PIP5K1C: variants seen among roughly 807,000 people sequenced by gnomAD.
The protein encoded by PIP5K1C is phosphatidylinositol 4-phosphate 5-kinase type-1 gamma.
In PIP5K1C, 45 loss-of-function variants were observed where a neutral mutation model predicts 80.1. The ratio of observed to expected loss-of-function variants is 0.56; its 90% CI spans 0.44 to 0.72. The LOEUF (loss-of-function observed/expected upper bound fraction) is 0.72, where lower values mean the gene tolerates loss of function less well. Among genes scored for constraint, PIP5K1C ranks in the 30% least tolerant of loss-of-function variants. The pLI is 0.00. For synonymous variants in PIP5K1C, 498 were observed against 420.1 expected (o/e 1.19, Z -2.27); for missense variants, 753 against 954.6 (o/e 0.79, Z 2.78).
chr19:3,634,195 G>A (rs974555812), intron 16 of PIP5K1C, among the ~76,000 whole-genome samples: 1 of 152,084 alleles, frequency 6.6e-6, no homozygotes, highest in East Asian at 1.9e-4. Flanking sequence ...GCTCTTCCCA[G>A]CTGTGCCTGC....
chr19:3,641,960 G>A lies in PIP5K1C; in HGVS notation c.1683-151C>T, dbSNP rs188355780. The A allele has an allele frequency of 1.9e-5, 13 of 698,476 alleles. 1 individual carries two copies. The highest frequency in any genetic ancestry group is 6.2e-5 in the South Asian group (4 of 64,796). 43.3% of individuals were successfully genotyped at this position (698,476 alleles called of 1,614,324 possible). ...TCTTTCTGGCTGTCACTCCCAGCCC[G>A]GGGACTGTCCACCTGGGTCCCTTGG... is the stretch of plus-strand genomic sequence containing the variant. On this transcript the variant is annotated intron_variant, in intron 14 of 17. Transcript: ENST00000335312.
At chr19:3,697,870 G>A (rs1306060627) in intron 1 of PIP5K1C, among the ~76,000 whole-genome samples, 3 of 152,218 alleles carry the variant, frequency 2.0e-5, no homozygotes, top group African/African-American at 7.2e-5. Flanking sequence ...TCCCGAGACC[G>A]CCCCCACGTG....
At chr19:3,697,541 C>T (rs1447626622) in intron 1 of PIP5K1C, among the ~76,000 whole-genome samples, 1 of 152,094 alleles carries the variant, frequency 6.6e-6, no homozygotes, top group African/African-American at 2.4e-5. Context: ...CCAAGCTGGA[C>T]CCGGGAGAGG....
At chr19:3,641,360 G>T (rs1279649873) in intron 15 of PIP5K1C, among the ~76,000 whole-genome samples, 4 of 152,146 alleles carry the variant, frequency 2.6e-5, no homozygotes, top group Non-Finnish European at 4.4e-5. Context: ...GGGCCCTGTG[G>T]ACACTGGAAC....
Position 3,648,834 on chromosome 19 carries a change from G to T in PIP5K1C, c.1128-126C>A, listed in dbSNP as rs957455336. The T allele has an allele frequency of 2.7e-6, 2 of 754,588 alleles. No individual in the cohort carries two copies. The highest frequency in any genetic ancestry group is 2.7e-5 in the East Asian group (1 of 37,410). 46.7% of individuals were successfully genotyped at this position (754,588 alleles called of 1,614,324 possible). Reference sequence around the variant, plus strand: ...TGGGTGGCAACTTGGCCAAGCTCTCGGAGTGGGGCCTGGCACCCGGGAACC... The same window carrying T: ...TGGGTGGCAACTTGGCCAAGCTCTCTGAGTGGGGCCTGGCACCCGGGAACC... On this transcript the variant is annotated intron_variant, in intron 8 of 17. Coordinates refer to ENST00000335312, the MANE Select transcript of PIP5K1C (RefSeq NM_012398.3). The surrounding 1 kb of genome is among the most constrained non-coding windows in gnomAD (Gnocchi z 4.3).
intron 1 of PIP5K1C, among the ~76,000 whole-genome samples, chr19:3,676,244 G>T (rs182975490): frequency 6.6e-6 from 1 of 152,200 alleles, no homozygotes; most frequent in Admixed American, 6.5e-5. Context: ...GTCCCCACCG[G>T]GAAGTGATGA....
At chr19:3,656,595 G>A in intron 5 of PIP5K1C, 38 bp from the exon 6 acceptor site, 1 of 1,611,316 alleles carries the variant, frequency 6.2e-7, no homozygotes, top group Non-Finnish European at 8.5e-7. Context: ...GCCCCAAGCT[G>A]CCGGACACAC....
intron 1 of PIP5K1C, among the ~76,000 whole-genome samples, chr19:3,698,091 C>T (rs146826720): frequency 3.9e-5 from 6 of 152,378 alleles, no homozygotes; most frequent in Middle Eastern, 3.4e-3. Flanking sequence ...ACAAGGCTCC[C>T]GCTGTAGCTG....
chr19:3,638,085 G>A (rs2033782977), intron 16 of PIP5K1C: 1 of 1,433,248 alleles, frequency 7.0e-7, no homozygotes, highest in Non-Finnish European at 9.1e-7. Context: ...TGGTGCCCGT[G>A]CCCAGCCCTC....
intron 16 of PIP5K1C, among the ~76,000 whole-genome samples, chr19:3,636,205 C>A (rs2033681294): frequency 6.6e-6 from 1 of 152,064 alleles, no homozygotes; most frequent in African/African-American, 2.4e-5. Context: ...CCTTGTCCTG[C>A]AGGAGTTGGG....
chr19:3,663,054 C>T (rs1477704968), intron 3 of PIP5K1C, among the ~76,000 whole-genome samples: 1 of 152,102 alleles, frequency 6.6e-6, no homozygotes, highest in Non-Finnish European at 1.5e-5. Context: ...TTAGTACAGA[C>T]AAGGTTGCGC....
chr19:3,670,933 C>CT (rs1317086967), intron 1 of PIP5K1C, among the ~76,000 whole-genome samples: 1 of 152,242 alleles, frequency 6.6e-6, no homozygotes, highest in African/African-American at 2.4e-5. Flanking sequence ...CCCCAGGTCT[C>CT]TGACAGGCCA....
chr19:3,633,625 G>T, intron 16 of PIP5K1C, 105 bp from the exon 17 acceptor site: 1 of 738,746 alleles, frequency 1.4e-6, no homozygotes, highest in Non-Finnish European at 1.9e-6. Flanking sequence ...TAAAAGAGGC[G>T]AATCCCCCAT....
chr19:3,651,996 C>T lies in PIP5K1C; in HGVS notation c.957G>A (p.Leu319=). ...GGTCGATGTTGTGCACGCCCAGCAG[C>T]AGGCTGTAGTCCATGATCTTGAAAC... ...LESFKIMDYS[L]LLGVHNIDQH... Residue 319 remains leucine, a synonymous_variant, in exon 8 of 18, where the codon CTG becomes CTA. Transcript: ENST00000335312. The T allele has an allele frequency of 1.9e-6, 3 of 1,613,182 alleles. No individual in the cohort carries two copies. The highest frequency in any genetic ancestry group is 2.5e-6 in the Non-Finnish European group (3 of 1,179,988).
At chr19:3,647,461 G>A in intron 9 of PIP5K1C, 75 bp from the exon 10 acceptor site, 1 of 1,263,378 alleles carries the variant, frequency 7.9e-7, no homozygotes, top group Non-Finnish European at 1.1e-6. Context: ...AGGGGCCACT[G>A]TGCACCCCCC....
chr19:3,666,300 G>A (rs964166275), intron 2 of PIP5K1C, among the ~76,000 whole-genome samples: 1 of 152,230 alleles, frequency 6.6e-6, no homozygotes, highest in Non-Finnish European at 1.5e-5. Context: ...CAGCTCGGGT[G>A]CCCTCAGAGG....
At chr19:3,655,737 C>T (rs1465858190) in intron 6 of PIP5K1C, among the ~76,000 whole-genome samples, 1 of 152,212 alleles carries the variant, frequency 6.6e-6, no homozygotes, top group African/African-American at 2.4e-5. Context: ...TCAAGGGAAA[C>T]TGAGTCACAG....
chr19:3,677,211 C>T (rs762350345), intron 1 of PIP5K1C, among the ~76,000 whole-genome samples: 3 of 152,130 alleles, frequency 2.0e-5, no homozygotes, highest in Non-Finnish European at 2.9e-5. Flanking sequence ...CTGTGAGAGC[C>T]GCCACTGCAG....
intron 11 of PIP5K1C, 102 bp from the exon 12 acceptor site, chr19:3,644,353 C>T: frequency 8.4e-7 from 1 of 1,193,812 alleles, no homozygotes. Flanking sequence ...CTGTGGCCCA[C>T]CAGACCCCTA....
Sources: gnomAD v4.1 joint callset for allele counts (sites outside exome capture counted in the v4.1 genomes callset) on GRCh38, gnomAD v4.1.1 for gene constraint, Gnocchi (gnomAD v3.1) non-coding constraint, MANE v1.5 for transcripts, NCBI Gene and HGNC (gene_info 2026-07-23, HGNC 2026-07-21) for gene names.